The following SVIL variants were observed in gnomAD, a reference collection of about 807,000 sequenced individuals.
The protein encoded by SVIL is archvillin.
In SVIL, 101 loss-of-function variants were observed where a neutral mutation model predicts 240.4. The observed-to-expected ratio is 0.42, with a 90% confidence interval of 0.36 to 0.50. The LOEUF (loss-of-function observed/expected upper bound fraction) is 0.50, where lower values mean the gene tolerates loss of function less well. Among genes scored for constraint, SVIL ranks in the 20% least tolerant of loss-of-function variants. SVIL has a pLI of 0.01. For missense variants in SVIL, 2,512 were observed against 2,818.7 expected (o/e 0.89, Z 2.46); for synonymous variants, 999 against 1,100.0 (o/e 0.91, Z 1.82).
rs539971155 is a variant in SVIL, at chr10:29,708,789, G to A, written c.-399-22138C>T. ...GGGTGGAGCTCACTGGAGCTCACTG[G>A]AGATCTGTTCACAGGTTTGCTCTAC... On this transcript the variant is annotated intron_variant, in intron 1 of 35. Coordinates refer to the SVIL transcript ENST00000375400. 3.3e-5 allele frequency among the ~76,000 whole-genome samples: 5 copies of A among 152,148 alleles called. No homozygotes were observed. In the South Asian group the frequency reaches 8.3e-4, roughly 25 times the overall value.
chr10:29,554,027 G>A (rs1372968135), intron 5 of SVIL, among the ~76,000 whole-genome samples: 5 of 152,170 alleles, frequency 3.3e-5, no homozygotes, highest in Non-Finnish European at 7.3e-5. Flanking sequence ...AGTCTAGGGA[G>A]GAAAATGACT....
chr10:29,633,542 C>T (rs942131121), intron 1 of SVIL, among the ~76,000 whole-genome samples: 7 of 152,142 alleles, frequency 4.6e-5, no homozygotes, highest in East Asian at 1.9e-4. Context: ...ACACTATCTC[C>T]GGTGAAGAAC....
At chr10:29,570,596 A>G (rs1230789726) in intron 1 of SVIL, among the ~76,000 whole-genome samples, 1 of 152,218 alleles carries the variant, frequency 6.6e-6, no homozygotes, top group Non-Finnish European at 1.5e-5. Context: ...AAAAGACGCT[A>G]CTCACCACTG....
At chr10:29,612,606 C>T (rs1220819130) in intron 1 of SVIL, among the ~76,000 whole-genome samples, 4 of 152,126 alleles carry the variant, frequency 2.6e-5, no homozygotes. Context: ...CTCTGGAGCT[C>T]TGCACCCAGA....
intron 3 of SVIL, among the ~76,000 whole-genome samples, chr10:29,653,724 T>A (rs1250284288): frequency 6.6e-6 from 1 of 152,174 alleles, no homozygotes; most frequent in Non-Finnish European, 1.5e-5. Flanking sequence ...TTGTTTATGA[T>A]ATGAGGTAGG....
At position 29,473,965 on chromosome 10, in the gene SVIL, T is replaced by C. The variant is rs1157752595; in HGVS notation, c.5402A>G (p.His1801Arg). Residue 1801 changes from histidine (H) to arginine (R), a missense_variant, in exon 30 of 38, where the codon CAC becomes CGC. Coordinates refer to ENST00000355867, the MANE Select transcript of SVIL (RefSeq NM_021738.3). ...TAVGSRQKGE[H>R]SVRAAGKEKC... Reference sequence around the variant, plus strand: ...CTCTTTGCCGGCTGCCCTCACCGAGTGCTCTCCCTTCTGGCGACTTCCCAC... The same window carrying C: ...CTCTTTGCCGGCTGCCCTCACCGAGCGCTCTCCCTTCTGGCGACTTCCCAC... 2.5e-6 allele frequency: 4 copies of C among 1,613,556 alleles called. No individual in the cohort carries two copies. In the African/African-American group the frequency reaches 4.0e-5, roughly 16 times the overall value.
chr10:29,473,638 A>G (rs1429999943), intron 30 of SVIL, 200 bp downstream of exon 30: 6 of 635,706 alleles, frequency 9.4e-6, no homozygotes, highest in Middle Eastern at 4.3e-4. Context: ...CTCCAGGATC[A>G]TCTTACAAAA....
At chr10:29,461,569 C>CCTAT (rs767388618) in intron 36 of SVIL, among the ~76,000 whole-genome samples, 18 of 152,226 alleles carry the variant, frequency 1.2e-4, no homozygotes, top group Middle Eastern at 3.4e-3. Context: ...TGGTAAAAAA[C>CCTAT]CTATCTCTCA....
intron 35 of SVIL, 132 bp from the exon 36 acceptor site, chr10:29,462,533 T>A: frequency 8.5e-7 from 1 of 1,175,984 alleles, no homozygotes; most frequent in Non-Finnish European, 1.2e-6. Context: ...CAGTAGTTCA[T>A]AACAACACAT....
chr10:29,504,158 G>C (rs557646570), intron 17 of SVIL, among the ~76,000 whole-genome samples: 1 of 152,132 alleles, frequency 6.6e-6, no homozygotes, highest in African/African-American at 2.4e-5. Context: ...AAAAAAACTA[G>C]ATACAAATTT....
At chr10:29,698,954 C>T (rs567036160) in intron 1 of SVIL, among the ~76,000 whole-genome samples, 3 of 152,280 alleles carry the variant, frequency 2.0e-5, no homozygotes, top group South Asian at 2.1e-4. Flanking sequence ...AAGGAGCCGG[C>T]GGGCTGCATA....
At chr10:29,700,553 C>T (rs1343905378) in intron 1 of SVIL, among the ~76,000 whole-genome samples, 3 of 149,372 alleles carry the variant, frequency 2.0e-5, no homozygotes, top group Non-Finnish European at 4.4e-5. Context: ...TCACTGCAAG[C>T]TCCGCCTCCC....
chr10:29,626,163 T>C (rs778639731), intron 1 of SVIL, among the ~76,000 whole-genome samples: 1 of 152,150 alleles, frequency 6.6e-6, no homozygotes, highest in African/African-American at 2.4e-5. Flanking sequence ...TATTTAAAAT[T>C]TGCCAAGAAG....
chr10:29,591,813 C>G (rs546310045), intron 1 of SVIL, among the ~76,000 whole-genome samples: 3 of 152,188 alleles, frequency 2.0e-5, no homozygotes, highest in Non-Finnish European at 4.4e-5. Flanking sequence ...TCTTAGCACA[C>G]GTGGGGAGAT....
Position 29,705,543 on chromosome 10 carries a change from G to A in SVIL, c.-399-18892C>T, listed in dbSNP as rs141030676. 3.0e-3 allele frequency among the ~76,000 whole-genome samples: 455 copies of A among 151,934 alleles called. 1 individual carries two copies. The highest frequency in any genetic ancestry group is 6.8e-3 in the Middle Eastern group (2 of 294). On this transcript the variant is annotated intron_variant, in intron 1 of 35. Transcript: ENST00000375400. ...GTGCAGGTTTATTAGATAGGTAAAC[G>A]TGTGCCATGGTGGTTTGCTGTGCCT...
chr10:29,645,463 G>A (rs143681186), intron 3 of SVIL, among the ~76,000 whole-genome samples: 4,259 of 152,162 alleles, frequency 0.028, 126 homozygotes, highest in Non-Finnish European at 0.046. Flanking sequence ...CAAACTACTC[G>A]GGAGGCTGAG....
At chr10:29,684,091 G>C (rs1050982832) in intron 2 of SVIL, among the ~76,000 whole-genome samples, 3 of 151,652 alleles carry the variant, frequency 2.0e-5, no homozygotes, top group Non-Finnish European at 4.4e-5. Context: ...GCTTCCTTTG[G>C]GCCATCAATA....
intron 3 of SVIL, among the ~76,000 whole-genome samples, chr10:29,560,637 TTAAAA>T (rs1954368682): frequency 6.9e-6 from 1 of 145,508 alleles, no homozygotes; most frequent in Non-Finnish European, 1.5e-5. Context: ...CTTGATGTCA[TTAAAA>T]TAAAATTATA....
In SVIL at chr10:29,649,662, A is replaced by T. The variant is rs538475751; in HGVS notation, c.-201+8307T>A. ...TTGACTTACCAAAATATGCAAGTGC[A>T]TGGGCGTACACACACACACACACAT... On this transcript the variant is annotated intron_variant, in intron 3 of 35. Transcript: ENST00000375400. 3.3e-5 allele frequency among the ~76,000 whole-genome samples: 5 copies of T among 152,314 alleles called. No homozygotes were observed. The South Asian group carries it at 1.0e-3, about 32-fold the overall frequency.
Sources: allele counts gnomAD v4.1 joint callset (sites outside exome capture counted in the v4.1 genomes callset), GRCh38; gene constraint gnomAD v4.1.1; transcripts MANE v1.5; gene names NCBI Gene and HGNC (gene_info 2026-07-23, HGNC 2026-07-21).